Variants in HERC1 observed in about 807,000 individuals in gnomAD.
The protein encoded by HERC1 is HECT and RLD domain containing E3 ubiquitin protein ligase family member 1, also known as probable E3 ubiquitin-protein ligase HERC1.
Under a neutral mutation model 554.3 loss-of-function variants are expected in HERC1, and 160 were observed. The ratio of observed to expected loss-of-function variants is 0.29; its 90% confidence interval spans 0.25 to 0.33. The LOEUF (loss-of-function observed/expected upper bound fraction) is 0.33, where lower values mean the gene tolerates loss of function less well. Among genes scored for constraint, HERC1 ranks in the 10% least tolerant of loss-of-function variants. The probability of loss-of-function intolerance (pLI) is 1.00; values close to 1 mark genes in which losing one functional copy is unlikely to be tolerated. For synonymous variants in HERC1, 2,175 were observed against 2,131.7 expected (o/e 1.02, Z -0.56); for missense variants, 4,919 against 5,918.5 (o/e 0.83, Z 5.54).
chr15:63,791,507 C>A (rs1212829224), intron 1 of HERC1, among the ~76,000 whole-genome samples: 2 of 152,144 alleles, frequency 1.3e-5, no homozygotes, highest in Admixed American at 1.3e-4. Flanking sequence ...GAGGGAAGTT[C>A]AAAGAACAAA....
chr15:63,734,729 C>A lies in HERC1; in HGVS notation c.2641G>T (p.Gly881Ter). 1 of 1,558,836 alleles carries A rather than the reference C, an allele frequency of 6.4e-7. No individual in the cohort carries two copies. Among genetic ancestry groups the A allele is most frequent in the Non-Finnish European group, 8.6e-7 (1 of 1,159,644 alleles). ...GPDRWESLSKGQRMQLDIILT... is the reference protein window; with the variant it reads ...GPDRWESLSK ...CACAGCAAGCAAAGGCCTACCTGTC[C>A]TTTAGATAAGCTTTCCCATCTATCA... The change falls in exon 13 of 78, where the codon GGA becomes TGA. Residue 881 changes from glycine (G) to a stop codon, truncating the protein, a stop_gained. Transcript: ENST00000443617. LOFTEE classifies it high-confidence loss of function. This position sits in a 1 kb window ranked among gnomAD's most constrained non-coding sequence, Gnocchi z 4.6.
In HERC1 at chr15:63,680,394, A is replaced by T; in HGVS notation, c.6465+143T>A. 1 of 949,206 alleles carries T rather than the reference A, an allele frequency of 1.1e-6. No homozygotes were observed. The highest frequency in any genetic ancestry group is 1.5e-6 in the Non-Finnish European group (1 of 655,648). The allele number at this position is 949,206 out of a possible 1,614,324, so 58.8% of individuals were successfully genotyped here. On this transcript the variant is annotated intron_variant, in intron 35 of 77. Coordinates refer to ENST00000443617, the MANE Select transcript of HERC1 (RefSeq NM_003922.4). The surrounding 1 kb of genome is among the most constrained non-coding windows in gnomAD (Gnocchi z 5.8). ...TACTATCTTCCTGTTTGTTGTTAAT[A>T]AATGTTTTAAGAACCAGAAAGTATT...
intron 12 of HERC1, among the ~76,000 whole-genome samples, chr15:63,745,028 G>C (rs527373012): frequency 6.6e-6 from 1 of 152,268 alleles, no homozygotes; most frequent in African/African-American, 2.4e-5. Flanking sequence ...CTGGCCTGGG[G>C]CATGTCTAGA....
intron 1 of HERC1, chr15:63,779,708 C>G (rs914101358): frequency 6.6e-6 from 1 of 151,870 alleles, no homozygotes; most frequent in African/African-American, 2.4e-5. Context: ...AAGGCAAGTC[C>G]CAAAAGTTTA....
chr15:63,699,678 T>C (rs2072617070), intron 25 of HERC1, among the ~76,000 whole-genome samples: 1 of 152,194 alleles, frequency 6.6e-6, no homozygotes, highest in African/African-American at 2.4e-5. Flanking sequence ...AAATGATACC[T>C]ATATAAAATT....
intron 1 of HERC1, among the ~76,000 whole-genome samples, chr15:63,791,361 A>G (rs1315440743): frequency 6.6e-6 from 1 of 152,228 alleles, no homozygotes; most frequent in East Asian, 1.9e-4. Context: ...ATATGTATAT[A>G]TGTACGTATA....
intron 38 of HERC1, among the ~76,000 whole-genome samples, chr15:63,674,084 G>T (rs1367886275): frequency 6.6e-6 from 1 of 152,006 alleles, no homozygotes; most frequent in Non-Finnish European, 1.5e-5. Flanking sequence ...GTTAAATTTT[G>T]TTTTACAAAA....
chr15:63,687,524 C>A (rs1211582281), intron 33 of HERC1, among the ~76,000 whole-genome samples: 1 of 150,054 alleles, frequency 6.7e-6, no homozygotes, highest in African/African-American at 2.5e-5. Context: ...GGTGACAGAG[C>A]GAGACTCTGT....
chr15:63,737,400 GATATATATATATATATCTTTTTTCCAGAT>G lies in HERC1; in HGVS notation c.2521-2580_2521-2552del, dbSNP rs1567069465. Among the ~76,000 whole-genome samples the G allele has an allele frequency of 1.8e-3, 137 of 74,422 alleles. 3 individuals carry two copies. The highest frequency in any genetic ancestry group is 3.8e-3 in the South Asian group (11 of 2,926). 48.8% of individuals were successfully genotyped at this position (74,422 alleles called of 152,430 possible). ...TATATATATATATATCGTTTTTCCA[GATATATATATATATATCTTTTTTCCAGAT>G]ATATATATATATATCTTTTTTCCAG... On this transcript the variant is annotated intron_variant, in intron 12 of 77. Transcript: ENST00000443617.
At chr15:63,664,691 T>A in intron 42 of HERC1, 97 bp from the exon 43 acceptor site, 1 of 992,096 alleles carries the variant, frequency 1.0e-6, no homozygotes, top group Non-Finnish European at 1.5e-6. Context: ...TTTATTCTCA[T>A]TGAGAATAAA....
At chr15:63,633,500 C>T (rs953372913) in intron 67 of HERC1, among the ~76,000 whole-genome samples, 2 of 152,158 alleles carry the variant, frequency 1.3e-5, no homozygotes, top group Non-Finnish European at 2.9e-5. Flanking sequence ...GAAATGGCAG[C>T]TGCATGCAGA....
At chr15:63,740,990 C>T (rs1288375002) in intron 12 of HERC1, among the ~76,000 whole-genome samples, 2 of 151,568 alleles carry the variant, frequency 1.3e-5, no homozygotes, top group Admixed American at 6.6e-5. Flanking sequence ...GAAACCATTG[C>T]CTAATCCAAG....
chr15:63,796,978 C>G (rs2076833590), intron 1 of HERC1, among the ~76,000 whole-genome samples: 1 of 152,146 alleles, frequency 6.6e-6, no homozygotes, highest in African/African-American at 2.4e-5. Flanking sequence ...CTGGCTCCCC[C>G]TTTCCATCAT....
At chr15:63,687,367 G>A (rs1180300671) in intron 33 of HERC1, among the ~76,000 whole-genome samples, 4 of 151,996 alleles carry the variant, frequency 2.6e-5, no homozygotes, top group East Asian at 3.9e-4. Flanking sequence ...GTGAAACCCC[G>A]TCTCTACTAA....
At chr15:63,766,119 T>C (rs2142528613) in intron 2 of HERC1, among the ~76,000 whole-genome samples, 1 of 152,232 alleles carries the variant, frequency 6.6e-6, no homozygotes, top group Admixed American at 6.5e-5. Flanking sequence ...GATCTACTAA[T>C]AAAGCTTATT....
rs561370213 is a variant in HERC1 at position 63,800,932 on chromosome 15, C to A, written c.-26-25283G>T. 2.3e-4 allele frequency among the ~76,000 whole-genome samples: 35 copies of A among 152,238 alleles called. No individual in the cohort carries two copies. The South Asian group carries it at 6.4e-3, about 28-fold the overall frequency. On this transcript the variant is annotated intron_variant, in intron 1 of 77. Coordinates refer to ENST00000443617, the MANE Select transcript of HERC1 (RefSeq NM_003922.4). ...GGAACTTTCAGTTCCACCACCAGAC[C>A]TCAAGGGAGAGGAAAAGGGGTGGAG...
chr15:63,829,843 CA>C (rs1410511550), intron 1 of HERC1, among the ~76,000 whole-genome samples: 11 of 151,602 alleles, frequency 7.3e-5, no homozygotes, highest in African/African-American at 2.7e-4. Context: ...AAAGAGCTTC[CA>C]ATGGCCAAAG....
In HERC1 at chr15:63,747,095, T is replaced by A; in HGVS notation, c.2355-12A>T. The A allele has an allele frequency of 6.3e-7, 1 of 1,587,046 alleles. No homozygotes were observed. The highest frequency in any genetic ancestry group is 8.6e-7 in the Non-Finnish European group (1 of 1,166,358). On this transcript the variant is annotated splice_polypyrimidine_tract_variant and intron_variant, in intron 11 of 77. Coordinates refer to ENST00000443617, the MANE Select transcript of HERC1 (RefSeq NM_003922.4). ...AACTGTGGTGTTCTCTGAAACCAAA[T>A]AAACGTCTATGAATTCTCGGATCAT...
chr15:63,733,802 T>C (rs1240362472), intron 13 of HERC1, among the ~76,000 whole-genome samples: 3 of 152,012 alleles, frequency 2.0e-5, no homozygotes, highest in African/African-American at 7.2e-5. Flanking sequence ...CAGTAAGCCA[T>C]GATCGTGCCA....
Sources: gnomAD v4.1 joint callset for allele counts (sites outside exome capture counted in the v4.1 genomes callset) on GRCh38, gnomAD v4.1.1 for gene constraint, Gnocchi (gnomAD v3.1) non-coding constraint, MANE v1.5 for transcripts, NCBI Gene and HGNC (gene_info 2026-07-23, HGNC 2026-07-21) for gene names.